Variants in VDAC1 observed in about 807,000 individuals in gnomAD.
VDAC1 encodes voltage dependent anion channel 1, also known as non-selective voltage-gated ion channel VDAC1.
A neutral mutation model predicts 34.7 loss-of-function variants in VDAC1; 10 were observed. The observed-to-expected ratio is 0.29, with a 90% CI of 0.18 to 0.49. The LOEUF (loss-of-function observed/expected upper bound fraction) is 0.49, where lower values mean the gene tolerates loss of function less well. Ranked by LOEUF, VDAC1 falls within the 20% of genes least tolerant of loss-of-function variation. The pLI is 0.99. For missense variants in VDAC1, 230 were observed against 347.9 expected, an observed-to-expected ratio of 0.66 and a Z score of 2.69; for synonymous variants, 130 against 136.0, an observed-to-expected ratio of 0.96 and a Z score of 0.30.
At chr5:134,037,573 G>A in the VDAC1 span, among the ~76,000 whole-genome samples, 1 of 152,178 alleles carries the variant, frequency 6.6e-6, no homozygotes, top group Non-Finnish European at 1.5e-5. Flanking sequence ...AAGAATCTCT[G>A]AATCTACCTA....
chr5:133,991,201 T>C (rs2126972823), intron 3 of VDAC1, 47 bp from the exon 4 acceptor site: 1 of 1,601,512 alleles, frequency 6.2e-7, no homozygotes, highest in East Asian at 2.2e-5. Context: ...AGCACTCACT[T>C]GGCTTCACTT....
chr5:133,981,012 T>G, intron 5 of VDAC1, 56 bp from the exon 6 acceptor site: 1 of 1,474,086 alleles, frequency 6.8e-7, no homozygotes, highest in Non-Finnish European at 9.3e-7. Context: ...GAAATGCAAG[T>G]TGTCTTTTTT....
At chr5:134,008,954 G>A (rs1405209508), upstream of VDAC1, among the ~76,000 whole-genome samples, 1 of 152,146 alleles carries the variant, frequency 6.6e-6, no homozygotes, top group Non-Finnish European at 1.5e-5. Flanking sequence ...CCCACACTGT[G>A]CCCTGACACT....
chr5:133,975,601 C>T (rs1305897585), intron 7 of VDAC1, among the ~76,000 whole-genome samples: 1 of 151,952 alleles, frequency 6.6e-6, no homozygotes, highest in Admixed American at 6.6e-5. Flanking sequence ...GCTGGGATTA[C>T]AGGCACACGC....
At chr5:134,028,956 G>T in the VDAC1 span, among the ~76,000 whole-genome samples, 1 of 152,138 alleles carries the variant, frequency 6.6e-6, no homozygotes, top group African/African-American at 2.4e-5. Context: ...AAAAGATGGC[G>T]GCCATGTCAT....
the VDAC1 span, among the ~76,000 whole-genome samples, chr5:134,059,301 G>A: frequency 6.6e-6 from 1 of 152,226 alleles, no homozygotes; most frequent in African/African-American, 2.4e-5. Flanking sequence ...TTTCAGTGAT[G>A]TGATCCCAGG....
intron 1 of VDAC1, among the ~76,000 whole-genome samples, chr5:134,000,170 G>A (rs1474093246): frequency 6.6e-6 from 1 of 152,168 alleles, no homozygotes; most frequent in East Asian, 1.9e-4. Flanking sequence ...AAACAACCCA[G>A]GGGAACAGTT....
chr5:134,013,781 A>T, the VDAC1 span, among the ~76,000 whole-genome samples: 1 of 151,680 alleles, frequency 6.6e-6, no homozygotes, highest in Admixed American at 6.6e-5. Flanking sequence ...CATCTCTACT[A>T]AAATACAAAA....
intron 6 of VDAC1, among the ~76,000 whole-genome samples, chr5:133,977,635 G>C (rs1229707129): frequency 6.6e-6 from 1 of 152,160 alleles, no homozygotes; most frequent in Admixed American, 6.5e-5. Flanking sequence ...GGCTGGGGTC[G>C]GCACAGATCA....
At chr5:134,093,723 C>CAGGT in the VDAC1 span, among the ~76,000 whole-genome samples, 1 of 152,184 alleles carries the variant, frequency 6.6e-6, no homozygotes, top group African/African-American at 2.4e-5. Context: ...GGGCTGGGTA[C>CAGGT]AGGTCAGCCC....
the VDAC1 span, among the ~76,000 whole-genome samples, chr5:134,044,663 G>T: frequency 6.6e-6 from 1 of 151,708 alleles, no homozygotes; most frequent in African/African-American, 2.4e-5. Flanking sequence ...GTGTGTGTGT[G>T]CGCGCGCGCA....
At chr5:134,110,679 G>A in the VDAC1 span, among the ~76,000 whole-genome samples, 1 of 152,246 alleles carries the variant, frequency 6.6e-6, no homozygotes, top group Admixed American at 6.5e-5. Context: ...CCAACAGGAT[G>A]CCAGGCGGGC....
chr5:133,995,161 C>T (rs1753250675), intron 1 of VDAC1, among the ~76,000 whole-genome samples: 1 of 152,210 alleles, frequency 6.6e-6, no homozygotes, highest in South Asian at 2.1e-4. Context: ...GAGATTACCA[C>T]CCAAGGACAA....
the VDAC1 span, among the ~76,000 whole-genome samples, chr5:134,094,507 C>T: frequency 6.6e-6 from 1 of 152,048 alleles, no homozygotes; most frequent in Non-Finnish European, 1.5e-5. Flanking sequence ...ACCATCCTGG[C>T]TAACACGATA....
chr5:134,084,675 T>C, the VDAC1 span, among the ~76,000 whole-genome samples: 4 of 152,274 alleles, frequency 2.6e-5, no homozygotes, highest in African/African-American at 9.6e-5. Context: ...TGGGAAAACA[T>C]GGCAGGCCTG....
chr5:134,103,630 A>C, the VDAC1 span, among the ~76,000 whole-genome samples: 1 of 152,256 alleles, frequency 6.6e-6, no homozygotes, highest in Non-Finnish European at 1.5e-5. Flanking sequence ...TTGGAAATGC[A>C]GACACACTGT....
the VDAC1 span, among the ~76,000 whole-genome samples, chr5:134,087,887 C>T: frequency 1.3e-5 from 2 of 149,878 alleles, no homozygotes; most frequent in South Asian, 2.1e-4. Context: ...CGTTGGTTCA[C>T]GCCTGTAATC....
At position 133,981,503 on chromosome 5, in the gene VDAC1, A is replaced by G. The variant is rs190509083; in HGVS notation, c.324-547T>C. Among the ~76,000 whole-genome samples the G allele has an allele frequency of 2.1e-3, 325 of 152,302 alleles. 1 individual carries two copies. Among genetic ancestry groups the G allele is most frequent in the African/African-American group, 5.3e-3 (220 of 41,560 alleles). On this transcript the variant is annotated intron_variant, in intron 5 of 8. Transcript: ENST00000265333. Reference sequence around the variant, plus strand: ...TCAATTCCATATTCATGAGACCCCAATGAGTACATATTTCAGAGAACCGGG... The same window carrying G: ...TCAATTCCATATTCATGAGACCCCAGTGAGTACATATTTCAGAGAACCGGG...
chr5:134,106,091 A>G, the VDAC1 span, among the ~76,000 whole-genome samples: 398 of 152,242 alleles, frequency 2.6e-3, 3 homozygotes, highest in African/African-American at 9.3e-3. Flanking sequence ...CGAGTGGTGG[A>G]GAGCCCCGGT....
Sources: gnomAD v4.1 joint callset for allele counts (sites outside exome capture counted in the v4.1 genomes callset) on GRCh38, gnomAD v4.1.1 for gene constraint, MANE v1.5 for transcripts, NCBI Gene and HGNC (gene_info 2026-07-23, HGNC 2026-07-21) for gene names.